The following PHF2 variants were observed in gnomAD, a reference collection of about 807,000 sequenced individuals.
PHF2 encodes lysine-specific demethylase PHF2.
PHF2 carries 27 observed loss-of-function variants against 120.5 expected under a neutral mutation model. That is an observed-to-expected ratio of 0.22 (90% CI 0.17 to 0.31). The LOEUF (loss-of-function observed/expected upper bound fraction) is 0.31, where lower values mean the gene tolerates loss of function less well. PHF2 is among the 10% of genes least tolerant of loss of function. The pLI is 1.00. For missense variants in PHF2, 1,024 were observed against 1,434.8 expected (o/e 0.71, Z 4.63); for synonymous variants, 568 against 592.5 (o/e 0.96, Z 0.60).
chr9:93,615,180 G>GGTGATC (rs1825706984), intron 1 of PHF2, among the ~76,000 whole-genome samples: 1 of 118,692 alleles, frequency 8.4e-6, no homozygotes, highest in African/African-American at 3.1e-5. Flanking sequence ...TGATAGTAAT[G>GGTGATC]GTGATGGCGA....
chr9:93,663,178 G>A, intron 13 of PHF2, 152 bp downstream of exon 13: 2 of 1,078,380 alleles, frequency 1.9e-6, no homozygotes, highest in Admixed American at 2.4e-5. Context: ...TGCTTACGTG[G>A]GTCTGAGGTG....
intron 1 of PHF2, among the ~76,000 whole-genome samples, chr9:93,602,029 C>T (rs1316984558): frequency 5.3e-5 from 8 of 152,026 alleles, no homozygotes; most frequent in Admixed American, 5.2e-4. Context: ...TTTCACCTGT[C>T]CTTCTTCTTC....
intron 7 of PHF2, among the ~76,000 whole-genome samples, chr9:93,655,573 G>A (rs1056573484): frequency 1.3e-5 from 2 of 152,238 alleles, no homozygotes; most frequent in Admixed American, 6.5e-5. Flanking sequence ...TCCTCTCTCT[G>A]TCTGAGTACT....
chr9:93,634,550 G>T (rs770806666), intron 2 of PHF2, among the ~76,000 whole-genome samples: 2 of 152,252 alleles, frequency 1.3e-5, no homozygotes, highest in Non-Finnish European at 2.9e-5. Context: ...AGGAGGGCAG[G>T]TTGGAGCTAT....
At position 93,654,397 on chromosome 9, in the gene PHF2, CA is replaced by C; in HGVS notation, c.790-15del. ...ATCCCAGTATGGGCGGCTCTGCCAA[CA>C]GGCTCTCTTGGCAGGGGGAGAAGAC... On this transcript the variant is annotated splice_polypyrimidine_tract_variant and intron_variant, in intron 6 of 21. Transcript: ENST00000359246. 1 of 1,608,366 alleles carries C rather than the reference CA, an allele frequency of 6.2e-7. No homozygotes were observed. Among genetic ancestry groups the C allele is most frequent in the Non-Finnish European group, 8.5e-7 (1 of 1,175,638 alleles).
intron 1 of PHF2, among the ~76,000 whole-genome samples, chr9:93,603,639 G>A (rs1825485955): frequency 6.6e-6 from 1 of 152,084 alleles, no homozygotes; most frequent in African/African-American, 2.4e-5. Flanking sequence ...GATTCAAGGG[G>A]GATCTGACCT....
intron 14 of PHF2, 130 bp downstream of exon 14, chr9:93,663,765 T>TCA (rs1826623917): frequency 2.1e-6 from 1 of 484,262 alleles, no homozygotes; most frequent in Admixed American, 3.2e-5. Context: ...GCACTCTGCA[T>TCA]CTCACACACA....
intron 4 of PHF2, among the ~76,000 whole-genome samples, chr9:93,646,512 C>A (rs916943404): frequency 5.9e-5 from 9 of 152,216 alleles, no homozygotes; most frequent in Non-Finnish European, 1.2e-4. Flanking sequence ...CGGGCAAACC[C>A]CCAGGACAGA....
chr9:93,662,533 CGGATGGATGGATGGATGGAT>C (rs138382841), intron 12 of PHF2, among the ~76,000 whole-genome samples: 36 of 111,956 alleles, frequency 3.2e-4, no homozygotes, highest in Non-Finnish European at 4.7e-4. Context: ...GATGGGTGGG[CGGATGGATGGATGGATGGAT>C]GGATGGATGG....
rs552253469 is a variant in PHF2, at chr9:93,623,618, G to C, written c.99-6352G>C. ...CATAATTTTCATTCATCAATGTTCTGAGTTTCCTTTCCAATTTTTCTTTGT... is the reference window on the plus strand; with the variant it reads ...CATAATTTTCATTCATCAATGTTCTCAGTTTCCTTTCCAATTTTTCTTTGT... On this transcript the variant is annotated intron_variant, in intron 1 of 21. Transcript: ENST00000359246. Among the ~76,000 whole-genome samples, 350 of 152,288 alleles carry C rather than the reference G, an allele frequency of 2.3e-3. 2 individuals are homozygous for C. Among genetic ancestry groups the C allele is most frequent in the African/African-American group, 8.1e-3 (336 of 41,558 alleles).
chr9:93,652,734 G>A (rs146567068), intron 5 of PHF2, among the ~76,000 whole-genome samples: 192 of 152,300 alleles, frequency 1.3e-3, no homozygotes, highest in African/African-American at 4.0e-3. Context: ...GCCAGGGGTC[G>A]TGGGCACCCT....
At chr9:93,658,322 G>A (rs1004630347) in intron 10 of PHF2, 86 bp downstream of exon 10, 15 of 1,008,326 alleles carry the variant, frequency 1.5e-5, no homozygotes, top group East Asian at 2.6e-5. Context: ...CAATGTCCAG[G>A]ACTTGTCCTG....
chr9:93,648,848 G>A (rs1183192178), intron 4 of PHF2, among the ~76,000 whole-genome samples: 3 of 151,998 alleles, frequency 2.0e-5, no homozygotes, highest in Admixed American at 1.3e-4. Flanking sequence ...TGACCTGGCC[G>A]CCTCACAGCA....
rs1376205986 is a variant in PHF2, at chr9:93,667,113, A to G, written c.2221A>G (p.Ile741Val). The G allele has an allele frequency of 1.6e-5, 26 of 1,613,038 alleles. No individual in the cohort carries two copies. Among genetic ancestry groups the G allele is most frequent in the Non-Finnish European group, 2.2e-5 (26 of 1,179,956 alleles). Residue 741 changes from isoleucine (I) to valine (V), a missense_variant, in exon 17 of 22, where the codon ATC becomes GTC. By Grantham distance (29) the Ile-to-Val change is conservative (BLOSUM62 3). Coordinates refer to ENST00000359246, the MANE Select transcript of PHF2 (RefSeq NM_005392.4). Reference protein sequence around the residue: ...DDSSDEGSLHIDTDTKPGRNA... With the variant: ...DDSSDEGSLHVDTDTKPGRNA... ...CTCCTCGGACGAGGGTTCGCTGCAC[A>G]TCGACACAGACACCAAGCCCGGCCG... is the stretch of plus-strand genomic sequence containing the variant.
chr9:93,675,395 G>A (rs1243767440), intron 19 of PHF2, among the ~76,000 whole-genome samples: 3 of 152,234 alleles, frequency 2.0e-5, no homozygotes, highest in Non-Finnish European at 4.4e-5. Context: ...CCAGTGGGGT[G>A]AGGCCTTGTC....
intron 11 of PHF2, among the ~76,000 whole-genome samples, chr9:93,659,946 G>C (rs1826529778): frequency 6.6e-6 from 1 of 152,218 alleles, no homozygotes; most frequent in Non-Finnish European, 1.5e-5. Context: ...CCGCTGTGCT[G>C]GGGTAGGACA....
chr9:93,620,871 A>G (rs988818520), intron 1 of PHF2, among the ~76,000 whole-genome samples: 22 of 152,232 alleles, frequency 1.4e-4, no homozygotes, highest in African/African-American at 5.3e-4. Context: ...TTCTGGTACA[A>G]TAAAATAAAT....
intron 2 of PHF2, among the ~76,000 whole-genome samples, chr9:93,633,912 C>A (rs1826049727): frequency 6.6e-6 from 1 of 152,128 alleles, no homozygotes; most frequent in African/African-American, 2.4e-5. Context: ...CTCAGCCAGC[C>A]CTGAGGCCTC....
At chr9:93,607,858 TA>T (rs1288046007) in intron 1 of PHF2, among the ~76,000 whole-genome samples, 1 of 151,994 alleles carries the variant, frequency 6.6e-6, no homozygotes, top group African/African-American at 2.4e-5. Flanking sequence ...CCTTGCTATA[TA>T]ATTGCTTATT....
Sources: gnomAD v4.1 joint callset for allele counts (sites outside exome capture counted in the v4.1 genomes callset) on GRCh38, gnomAD v4.1.1 for gene constraint, MANE v1.5 for transcripts, NCBI Gene and HGNC (gene_info 2026-07-23, HGNC 2026-07-21) for gene names.